The following FGF14 variants were observed in gnomAD, a reference collection of about 807,000 sequenced individuals.
The protein encoded by FGF14 is fibroblast growth factor homologous factor 4.
A neutral mutation model predicts 25.5 loss-of-function variants in FGF14; 5 were observed. The ratio of observed to expected loss-of-function variants is 0.20; its 90% confidence interval spans 0.10 to 0.41. The LOEUF (loss-of-function observed/expected upper bound fraction) is 0.41. Ranked by LOEUF, FGF14 falls within the 10% of genes least tolerant of loss-of-function variation. The pLI is 1.00. For synonymous variants in FGF14, 138 were observed against 118.3 expected (o/e 1.17, Z -1.08); for missense variants, 222 against 320.1 (o/e 0.69, Z 2.34).
chr13:102,395,275 A>C (rs1310136457), intron 1 of FGF14: 1 of 152,204 alleles, frequency 6.6e-6, no homozygotes, highest in Non-Finnish European at 1.5e-5. Context: ...GAAGAAAATT[A>C]AAGATTAAAA....
At chr13:102,051,215 C>T (rs1034788770) in intron 1 of FGF14, among the ~76,000 whole-genome samples, 3 of 152,174 alleles carry the variant, frequency 2.0e-5, no homozygotes, top group South Asian at 2.1e-4. Flanking sequence ...GGCTCAGCTG[C>T]CATAGAGAGC....
intron 1 of FGF14, among the ~76,000 whole-genome samples, chr13:102,090,097 A>G (rs571334731): frequency 4.0e-4 from 61 of 152,246 alleles, no homozygotes; most frequent in Admixed American, 1.2e-3. Flanking sequence ...ACCTAGATAA[A>G]AAGGTCAAAA....
At chr13:102,050,402 C>T (rs1029640033) in intron 1 of FGF14, among the ~76,000 whole-genome samples, 2 of 152,074 alleles carry the variant, frequency 1.3e-5, no homozygotes, top group Non-Finnish European at 2.9e-5. Flanking sequence ...ACCATAACCA[C>T]GAACTTTTAC....
chr13:102,049,500 C>T (rs2140044972), intron 1 of FGF14, among the ~76,000 whole-genome samples: 1 of 152,208 alleles, frequency 6.6e-6, no homozygotes, highest in South Asian at 2.1e-4. Flanking sequence ...AATTGGATTT[C>T]CAAAAGTCCA....
chr13:102,029,831 T>C (rs1466353439), intron 1 of FGF14, among the ~76,000 whole-genome samples: 1 of 152,114 alleles, frequency 6.6e-6, no homozygotes, highest in African/African-American at 2.4e-5. Context: ...GGGAAAAGGC[T>C]CTGGATTATT....
chr13:101,791,770 C>T (rs1566907374), intron 3 of FGF14, among the ~76,000 whole-genome samples: 1 of 141,822 alleles, frequency 7.1e-6, no homozygotes, highest in Non-Finnish European at 1.6e-5. Flanking sequence ...TCACTGAAAC[C>T]CACAGTGTAA....
intron 1 of FGF14, among the ~76,000 whole-genome samples, chr13:101,876,964 GA>G (rs1402538239): frequency 2.5e-4 from 38 of 152,112 alleles, no homozygotes; most frequent in Non-Finnish European, 4.4e-5. Context: ...TTAAAAACAT[GA>G]AAAAGAGAAT....
chr13:101,808,947 G>A (rs545084299), intron 3 of FGF14, among the ~76,000 whole-genome samples: 1 of 152,148 alleles, frequency 6.6e-6, no homozygotes, highest in East Asian at 1.9e-4. Context: ...TGCAGCTCCT[G>A]GATACACCGC....
chr13:101,884,995 A>G (rs568062247), intron 1 of FGF14, among the ~76,000 whole-genome samples: 1 of 152,264 alleles, frequency 6.6e-6, no homozygotes, highest in African/African-American at 2.4e-5. Flanking sequence ...TGGAGAGGAG[A>G]AAAGGAAACA....
intron 1 of FGF14, among the ~76,000 whole-genome samples, chr13:102,363,979 C>A (rs1422003772): frequency 6.6e-6 from 1 of 152,232 alleles, no homozygotes; most frequent in Non-Finnish European, 1.5e-5. Flanking sequence ...AGCCCCCAAA[C>A]ACACTTTCAG....
At chr13:102,246,221 G>A (rs1339590661) in intron 1 of FGF14, among the ~76,000 whole-genome samples, 2 of 152,024 alleles carry the variant, frequency 1.3e-5, no homozygotes, top group African/African-American at 4.8e-5. Flanking sequence ...ATTTAAGAAT[G>A]ATCATACTCA....
intron 1 of FGF14, among the ~76,000 whole-genome samples, chr13:101,980,197 T>C (rs2038163133): frequency 6.6e-6 from 1 of 152,240 alleles, no homozygotes; most frequent in African/African-American, 2.4e-5. Context: ...CTAATTTAAT[T>C]AAGTAAAATT....
intron 1 of FGF14, among the ~76,000 whole-genome samples, chr13:102,344,129 G>A (rs1033703964): frequency 6.6e-6 from 1 of 152,126 alleles, no homozygotes; most frequent in African/African-American, 2.4e-5. Context: ...AATCACTTAC[G>A]AAATGATCCT....
intron 1 of FGF14, among the ~76,000 whole-genome samples, chr13:102,110,321 C>T (rs1245177017): frequency 6.6e-6 from 1 of 152,118 alleles, no homozygotes; most frequent in African/African-American, 2.4e-5. Flanking sequence ...TGACACTCTC[C>T]TCACAATTAC....
intron 1 of FGF14, among the ~76,000 whole-genome samples, chr13:102,183,961 G>A (rs1027508694): frequency 6.6e-6 from 1 of 152,128 alleles, no homozygotes; most frequent in Non-Finnish European, 1.5e-5. Flanking sequence ...ACAGGGTGCT[G>A]GGTACATTTT....
chr13:102,250,156 A>C (rs564908113), intron 1 of FGF14, among the ~76,000 whole-genome samples: 1 of 152,190 alleles, frequency 6.6e-6, no homozygotes, highest in African/African-American at 2.4e-5. Flanking sequence ...TGACAGAAAG[A>C]AACAGAGCTA....
intron 1 of FGF14, among the ~76,000 whole-genome samples, chr13:102,111,072 G>A (rs2045199406): frequency 6.6e-6 from 1 of 151,920 alleles, no homozygotes; most frequent in Admixed American, 6.6e-5. Flanking sequence ...CCTAAGTCCT[G>A]CCCACCCCTG....
chr13:102,166,508 C>T (rs659047), intron 1 of FGF14, among the ~76,000 whole-genome samples: 63,478 of 151,886 alleles, frequency 0.42, 14,289 homozygotes, highest in African/African-American at 0.6. Flanking sequence ...GCTCTCATAC[C>T]GTGCACAAGT....
rs532453674 is a variant in FGF14, at chr13:101,837,253, T to C, written c.408+31472A>G. ...TTTGTTAGAATGGCTATCTACATTT[T>C]AATATTCTCTAGTTATTTTCTCATT... is the stretch of plus-strand genomic sequence containing the variant. On this transcript the variant is annotated intron_variant, in intron 3 of 4. Transcript: ENST00000376143. 2.0e-5 allele frequency among the ~76,000 whole-genome samples: 3 copies of C among 152,090 alleles called. No individual in the cohort carries two copies. In the South Asian group the frequency reaches 6.2e-4, roughly 32 times the overall value.
Sources: allele counts gnomAD v4.1 joint callset (sites outside exome capture counted in the v4.1 genomes callset), GRCh38; gene constraint gnomAD v4.1.1; transcripts MANE v1.5; gene names NCBI Gene and HGNC (gene_info 2026-07-23, HGNC 2026-07-21).